Variants in TARBP1 observed in about 807,000 individuals in gnomAD.
TARBP1 encodes the protein tRNA guanosine 2 -O-methyltransferase TARBP1.
In TARBP1, 144 loss-of-function variants were observed where a neutral mutation model predicts 178.6. The ratio of observed to expected loss-of-function variants is 0.81; its 90% CI spans 0.70 to 0.93. The LOEUF (loss-of-function observed/expected upper bound fraction) is 0.93, where lower values mean the gene tolerates loss of function less well. TARBP1 is among the 40% of genes least tolerant of loss of function. The pLI, the probability that TARBP1 is intolerant of heterozygous loss-of-function variation, is 0.00. For missense variants in TARBP1, 2,067 were observed against 2,011.7 expected (o/e 1.03, Z -0.53); for synonymous variants, 787 against 781.0 (o/e 1.01, Z -0.13).
chr1:234,463,003 C>T (rs1244771878), intron 6 of TARBP1, among the ~76,000 whole-genome samples: 1 of 152,224 alleles, frequency 6.6e-6, no homozygotes, highest in Non-Finnish European at 1.5e-5. Context: ...GCTCAGCAAA[C>T]AAAAATCACA....
At chr1:234,422,921 C>A (rs1663277846) in intron 20 of TARBP1, among the ~76,000 whole-genome samples, 1 of 152,106 alleles carries the variant, frequency 6.6e-6, no homozygotes. Flanking sequence ...TGTATCTGGG[C>A]CTTCATTATT....
At chr1:234,469,114 G>A (rs76739216) in intron 3 of TARBP1, among the ~76,000 whole-genome samples, 30,367 of 113,874 alleles carry the variant, frequency 0.27, 5,792 homozygotes, top group East Asian at 0.85. Context: ...AACGACTTTC[G>A]CACCAACCTA....
rs776928794 is a variant in TARBP1 at position 234,479,055 on chromosome 1, G to T, written c.49C>A (p.Arg17=). 4 of 1,539,082 alleles carry T rather than the reference G, an allele frequency of 2.6e-6. No homozygotes were observed. Among genetic ancestry groups the T allele is most frequent in the Non-Finnish European group, 3.5e-6 (4 of 1,155,878 alleles). The part of the protein sequence containing the change: ...EALLSQSRDP[R]ALLGALCQGE... ...TGGCACAGCGCCCCAAGCAGGGCCC[G>T]GGGGTCCCGGCTCTGCGAGAGCAGC... Residue 17 remains arginine (R), a synonymous_variant, in exon 1 of 30, where the codon CGG becomes AGG. Transcript: ENST00000040877.
intron 20 of TARBP1, among the ~76,000 whole-genome samples, chr1:234,425,283 T>C (rs1663604144): frequency 6.6e-6 from 1 of 152,186 alleles, no homozygotes; most frequent in South Asian, 2.1e-4. Context: ...TGACTGGCAC[T>C]GGAAAATACA....
chr1:234,441,920 T>C (rs1196298977), intron 12 of TARBP1, among the ~76,000 whole-genome samples: 1 of 152,208 alleles, frequency 6.6e-6, no homozygotes, highest in Non-Finnish European at 1.5e-5. Context: ...ATAAACCACA[T>C]ATTATCCATT....
rs757671925 is a variant in TARBP1 at position 234,412,189 on chromosome 1, C to T, written c.3706-1658G>A. ...CTGTAATCCCAGCACTTTGGGAGGC[C>T]GAGGCAGGTGGATCACAATGTCAGG... is the stretch of plus-strand genomic sequence containing the variant. On this transcript the variant is annotated intron_variant, in intron 22 of 29. Transcript: ENST00000040877. Among the ~76,000 whole-genome samples the T allele has an allele frequency of 2.0e-5, 3 of 152,138 alleles. No individual in the cohort carries two copies. The East Asian group carries it at 5.8e-4, about 29-fold the overall frequency.
intron 11 of TARBP1, among the ~76,000 whole-genome samples, chr1:234,447,460 T>C (rs1329749002): frequency 2.0e-5 from 3 of 148,808 alleles, no homozygotes; most frequent in South Asian, 2.1e-4. Context: ...TGTGGTGTGA[T>C]CATAGCTCAC....
At chr1:234,435,583 A>G (rs772512568) in intron 13 of TARBP1, among the ~76,000 whole-genome samples, 4 of 152,216 alleles carry the variant, frequency 2.6e-5, no homozygotes, top group Non-Finnish European at 5.9e-5. Context: ...AAAGAAGACA[A>G]TCAATAGTGT....
Position 234,436,918 on chromosome 1 carries a change from C to T in TARBP1, c.2232+357G>A, listed in dbSNP as rs541480185. ...TGGAGCTTTAACACACACGCACCCC[C>T]ACTCAGGGTCCGGTCTCAAAGCTGC... On this transcript the variant is annotated intron_variant, in intron 13 of 29. Transcript: ENST00000040877. Among the ~76,000 whole-genome samples the T allele has an allele frequency of 1.6e-4, 24 of 152,318 alleles. 1 individual carries two copies. The highest frequency in any genetic ancestry group is 5.3e-4 in the African/African-American group (22 of 41,566).
Position 234,427,734 on chromosome 1 carries a change from T to A in TARBP1, c.3093A>T (p.Ile1031=). 1 of 1,462,998 alleles carries A rather than the reference T, an allele frequency of 6.8e-7. No individual in the cohort carries two copies. The highest frequency in any genetic ancestry group is 2.6e-5 in the East Asian group (1 of 39,176). 90.6% of individuals were successfully genotyped at this position (1,462,998 alleles called of 1,614,324 possible). A position where few individuals can be genotyped will look rare whatever the true frequency, so the allele number is the denominator to read the frequency against. ...TCAGTGTATTGAAGACTCCAGTCTTTATAGCAGACATTTCAATTATCTTGT... is the reference window on the plus strand; with the variant it reads ...TCAGTGTATTGAAGACTCCAGTCTTAATAGCAGACATTTCAATTATCTTGT... ...IMYKIIEMSA[I]KTGVFNTLIS... is the part of the protein sequence containing the mutation. The change falls in exon 18 of 30, where the codon ATA becomes ATT. Residue 1031 remains isoleucine (I), a synonymous_variant. Transcript: ENST00000040877.
At position 234,400,636 on chromosome 1, in the gene TARBP1, T is replaced by A. The variant is rs146573844; in HGVS notation, c.4071+545A>T. Among the ~76,000 whole-genome samples the A allele has an allele frequency of 7.8e-3, 1,193 of 152,328 alleles. 9 individuals are homozygous for A. Among genetic ancestry groups the A allele is most frequent in the African/African-American group, 0.027 (1,114 of 41,572 alleles). On this transcript the variant is annotated intron_variant, in intron 25 of 29. Transcript: ENST00000040877. The stretch of plus-strand genomic sequence containing the variant: ...AGAAGGTATCATAATTTATGCAATG[T>A]CTAATGATTTACATATTGAATTAAT...
At chr1:234,418,667 CACTGAG>C (rs1351225420) in intron 21 of TARBP1, among the ~76,000 whole-genome samples, 1 of 152,196 alleles carries the variant, frequency 6.6e-6, no homozygotes, top group Non-Finnish European at 1.5e-5. Context: ...GGTCTTGGGC[CACTGAG>C]CCCTCTGTTC....
At chr1:234,398,190 G>A (rs1407258079) in intron 26 of TARBP1, 192 bp downstream of exon 26, 13 of 365,516 alleles carry the variant, frequency 3.6e-5, no homozygotes, top group Non-Finnish European at 1.4e-5. Flanking sequence ...TAGCTTTAAA[G>A]CTAAGTTTCA....
intron 5 of TARBP1, among the ~76,000 whole-genome samples, chr1:234,464,696 A>G (rs1668251252): frequency 6.6e-6 from 1 of 152,232 alleles, no homozygotes; most frequent in African/African-American, 2.4e-5. Flanking sequence ...ACTAATTAAA[A>G]ATGTTTCAAG....
At chr1:234,414,567 A>T (rs956557754) in intron 22 of TARBP1, among the ~76,000 whole-genome samples, 1 of 152,048 alleles carries the variant, frequency 6.6e-6, no homozygotes, top group African/African-American at 2.4e-5. Context: ...GGCTGACAGA[A>T]GAAGACAAAG....
At chr1:234,404,380 A>G (rs74904067) in intron 24 of TARBP1, among the ~76,000 whole-genome samples, 1,997 of 152,330 alleles carry the variant, frequency 0.013, 42 homozygotes, top group African/African-American at 0.046. Context: ...TACATAATAA[A>G]ATATGATTAG....
chr1:234,466,567 A>AAAGAAGAAG (rs71576428), intron 4 of TARBP1, among the ~76,000 whole-genome samples: 12,558 of 150,856 alleles, frequency 0.083, 897 homozygotes, highest in East Asian at 0.26. Flanking sequence ...TTCTTTTAAA[A>AAAGAAGAAG]AAGAAGAAGA....
chr1:234,467,117 G>A (rs767369125), intron 4 of TARBP1, among the ~76,000 whole-genome samples: 1 of 152,152 alleles, frequency 6.6e-6, no homozygotes, highest in African/African-American at 2.4e-5. Flanking sequence ...GCAATTCATT[G>A]AGTCAGAATT....
Position 234,465,728 on chromosome 1 carries a change from A to G in TARBP1, c.1249-20T>C. 1 of 1,539,326 alleles carries G rather than the reference A, an allele frequency of 6.5e-7. No individual in the cohort carries two copies. The highest frequency in any genetic ancestry group is 8.7e-7 in the Non-Finnish European group (1 of 1,143,570). Reference sequence around the variant, plus strand: ...AATAAACTAAAAAAAAAAAAAAAAAAAGACACGTAATTGAAACTTAGTTGT... The same window carrying G: ...AATAAACTAAAAAAAAAAAAAAAAAGAGACACGTAATTGAAACTTAGTTGT... On this transcript the variant is annotated intron_variant, in intron 4 of 29. Coordinates refer to ENST00000040877, the MANE Select transcript of TARBP1 (RefSeq NM_005646.4).
Sources: allele counts gnomAD v4.1 joint callset (sites outside exome capture counted in the v4.1 genomes callset), GRCh38; gene constraint gnomAD v4.1.1; transcripts MANE v1.5; gene names NCBI Gene and HGNC (gene_info 2026-07-23, HGNC 2026-07-21).